The following SPDEF variants were observed in gnomAD, a reference collection of about 807,000 sequenced individuals.
SPDEF encodes SAM pointed domain-containing Ets transcription factor.
SPDEF carries 12 observed loss-of-function variants against 36.0 expected under a neutral mutation model. That is an observed-to-expected ratio of 0.33 (90% CI 0.21 to 0.54). The LOEUF (loss-of-function observed/expected upper bound fraction) is 0.54, where lower values mean the gene tolerates loss of function less well. SPDEF is among the 20% of genes least tolerant of loss of function. SPDEF has a pLI of 0.93. For synonymous variants in SPDEF, 205 were observed against 193.0 expected (o/e 1.06, Z -0.51); for missense variants, 388 against 456.9 (o/e 0.85, Z 1.37).
rs144260993 is a variant in SPDEF at position 34,541,112 on chromosome 6, G to T, written c.506C>A (p.Pro169His). Residue 169 changes from proline (P) to histidine (H), a missense_variant, in exon 3 of 6, where the codon CCC becomes CAC. By Grantham distance (77) the Pro-to-His change is moderately conservative (BLOSUM62 -2). Transcript: ENST00000374037. The stretch of plus-strand genomic sequence containing the variant: ...CTCCTGGAAGGCCTTGCCCATGGGG[G>T]GCAGCCGGTATTGGTGCTCTGTCCA... ...LLWTEHQYRL[P>H]PMGKAFQELA... 3 of 1,610,502 alleles carry T rather than the reference G, an allele frequency of 1.9e-6. No individual in the cohort carries two copies. Among genetic ancestry groups the T allele is most frequent in the Non-Finnish European group, 2.5e-6 (3 of 1,178,844 alleles).
chr6:34,545,974 A>T (rs1302706878), intron 1 of SPDEF, among the ~76,000 whole-genome samples: 1 of 152,166 alleles, frequency 6.6e-6, no homozygotes, highest in Non-Finnish European at 1.5e-5. Flanking sequence ...GAGGCAGAAG[A>T]TTACCAACAG....
At chr6:34,546,296 C>T (rs1054298218) in intron 1 of SPDEF, among the ~76,000 whole-genome samples, 3 of 152,118 alleles carry the variant, frequency 2.0e-5, no homozygotes, top group Non-Finnish European at 4.4e-5. Context: ...GGTAACTGGC[C>T]AGTTGGGGGG....
At chr6:34,540,878 T>C in intron 3 of SPDEF, 106 bp downstream of exon 3, 2 of 1,048,376 alleles carry the variant, frequency 1.9e-6, no homozygotes, top group South Asian at 3.1e-5. Flanking sequence ...GGAGTCCAGT[T>C]GGGGGCCAAG....
At position 34,555,886 on chromosome 6, in the gene SPDEF, A is replaced by G. The variant is rs1768155294; in HGVS notation, c.-30+43T>C. ...GTCGCCCACCCCCCAGCTGGCAGGG[A>G]AAGACCCCATGCCAGGGTACCCCCA... On this transcript the variant is annotated intron_variant, in intron 1 of 5. Coordinates refer to ENST00000374037, the MANE Select transcript of SPDEF (RefSeq NM_012391.3). The surrounding 1 kb of genome is among the most constrained non-coding windows in gnomAD (Gnocchi z 5.2). 6.6e-6 allele frequency: 1 copy of G among 152,598 alleles called. No homozygotes were observed. The highest frequency in any genetic ancestry group is 6.5e-5 in the Admixed American group (1 of 15,274). 9.5% of individuals were successfully genotyped at this position (152,598 alleles called of 1,614,324 possible). A position where few individuals can be genotyped will look rare whatever the true frequency, so the allele number is the denominator to read the frequency against.
chr6:34,553,474 C>G (rs1408928284), intron 1 of SPDEF, among the ~76,000 whole-genome samples: 2 of 152,190 alleles, frequency 1.3e-5, no homozygotes, highest in African/African-American at 4.8e-5. Flanking sequence ...CCCTGACTCT[C>G]TGCTCTCTAG....
At chr6:34,546,969 G>A (rs918270491) in intron 1 of SPDEF, among the ~76,000 whole-genome samples, 1 of 150,786 alleles carries the variant, frequency 6.6e-6, no homozygotes, top group South Asian at 2.1e-4. Context: ...TGCCCTACCC[G>A]CTAGGTGGCT....
In SPDEF at chr6:34,556,316, GC is replaced by G. The variant is rs1394273477; in HGVS notation, c.-418del. The G allele has an allele frequency of 3.3e-5, 5 of 152,594 alleles. No individual in the cohort carries two copies. Among genetic ancestry groups the G allele is most frequent in the African/African-American group, 1.2e-4 (5 of 41,574 alleles). 9.5% of individuals were successfully genotyped at this position (152,594 alleles called of 1,614,324 possible). ...GAATGTGCTGGGAGGAAGTCAGACA[GC>G]CGCGAGATGAAGAGTTGGCCAGGGC... On this transcript the variant is annotated 5_prime_UTR_variant, in exon 1 of 6. Transcript: ENST00000374037.
Position 34,539,657 on chromosome 6 carries a change from C to T in SPDEF, c.635-95G>A, listed in dbSNP as rs925673123. On this transcript the variant is annotated intron_variant, in intron 3 of 5. Coordinates refer to ENST00000374037, the MANE Select transcript of SPDEF (RefSeq NM_012391.3). The surrounding 1 kb of genome is among the most constrained non-coding windows in gnomAD (Gnocchi z 5.2). ...GTGGGACTGTGGGGCCACAGGAGCC[C>T]CTCTGTGGCTGGGGGTTGCCCCTGT... 6.3e-6 allele frequency: 9 copies of T among 1,423,134 alleles called. No individual in the cohort carries two copies. The highest frequency in any genetic ancestry group is 8.7e-6 in the Non-Finnish European group (9 of 1,033,452). The allele number at this position is 1,423,134 out of a possible 1,614,324, so 88.2% of individuals were successfully genotyped here.
chr6:34,544,010 G>A lies in SPDEF; in HGVS notation c.436+10C>T, dbSNP rs376442032. 3 of 1,602,578 alleles carry A rather than the reference G, an allele frequency of 1.9e-6. No individual in the cohort carries two copies. The African/African-American group carries it at 4.0e-5, about 22-fold the overall frequency. On this transcript the variant is annotated intron_variant, in intron 2 of 5. Coordinates refer to ENST00000374037, the MANE Select transcript of SPDEF (RefSeq NM_012391.3). The surrounding 1 kb of genome is among the most constrained non-coding windows in gnomAD (Gnocchi z 4.4). Reference sequence around the variant, plus strand: ...CATCTTACGGAAGCAGGCACATGGAGAGGGCTCACCTGCGGTGATGTTGAG... The same window carrying A: ...CATCTTACGGAAGCAGGCACATGGAAAGGGCTCACCTGCGGTGATGTTGAG...
chr6:34,546,991 G>GCC, intron 1 of SPDEF, among the ~76,000 whole-genome samples: 1 of 143,552 alleles, frequency 7.0e-6, no homozygotes, highest in Non-Finnish European at 1.5e-5. Context: ...CACCCCTGGG[G>GCC]ACCCCCCCCC....
At position 34,544,353 on chromosome 6, in the gene SPDEF, C is replaced by A; in HGVS notation, c.103G>T (p.Ala35Ser). The change falls in exon 2 of 6, where the codon GCA becomes TCA. Residue 35 changes from alanine (A) to serine (S), a missense_variant. Ala to Ser is a moderately conservative substitution (Grantham distance 99, BLOSUM62 1). Coordinates refer to ENST00000374037, the MANE Select transcript of SPDEF (RefSeq NM_012391.3). This position sits in a 1 kb window ranked among gnomAD's most constrained non-coding sequence, Gnocchi z 4.4. ...RTGLEKAAAG[A>S]VGLERRDWSP... Reference sequence around the variant, plus strand: ...CAGTCCCGTCTCTCGAGACCCACTGCCCCCGCTGCCGCCTTCTCCAAGCCT... The same window carrying A: ...CAGTCCCGTCTCTCGAGACCCACTGACCCCGCTGCCGCCTTCTCCAAGCCT... The A allele has an allele frequency of 6.2e-7, 1 of 1,604,070 alleles. No homozygotes were observed. Among genetic ancestry groups the A allele is most frequent in the Non-Finnish European group, 8.5e-7 (1 of 1,177,252 alleles).
Position 34,539,926 on chromosome 6 carries a change from C to G in SPDEF, c.635-364G>C, listed in dbSNP as rs1370016570. ...CTCAGGCACCACCTCCTCCAAAGCACCTGGCCCTGTGCAGGCAGCAGTGGG... is the reference window on the plus strand; with the variant it reads ...CTCAGGCACCACCTCCTCCAAAGCAGCTGGCCCTGTGCAGGCAGCAGTGGG... On this transcript the variant is annotated intron_variant, in intron 3 of 5. Coordinates refer to ENST00000374037, the MANE Select transcript of SPDEF (RefSeq NM_012391.3). This position sits in a 1 kb window ranked among gnomAD's most constrained non-coding sequence, Gnocchi z 5.2. Among the ~76,000 whole-genome samples the G allele has an allele frequency of 6.6e-6, 1 of 152,206 alleles. No individual in the cohort carries two copies. The highest frequency in any genetic ancestry group is 1.5e-5 in the Non-Finnish European group (1 of 68,040).
intron 2 of SPDEF, among the ~76,000 whole-genome samples, chr6:34,543,302 G>A (rs776321398): frequency 1.6e-4 from 24 of 151,350 alleles, no homozygotes; most frequent in Non-Finnish European, 3.2e-4. Context: ...TGCTATCCTA[G>A]CATCTGGGGA....
At position 34,550,542 on chromosome 6, in the gene SPDEF, G is replaced by A. The variant is rs113068256; in HGVS notation, c.-30+5387C>T. On this transcript the variant is annotated intron_variant, in intron 1 of 5. Coordinates refer to ENST00000374037, the MANE Select transcript of SPDEF (RefSeq NM_012391.3). Reference sequence around the variant, plus strand: ...TGAGTGAGAGAGATCTTGCTGTCTTGGACTCAGCATGAGTAGACGAGGTGG... The same window carrying A: ...TGAGTGAGAGAGATCTTGCTGTCTTAGACTCAGCATGAGTAGACGAGGTGG... 3.9e-3 allele frequency among the ~76,000 whole-genome samples: 588 copies of A among 152,324 alleles called. 4 individuals are homozygous for A. Among genetic ancestry groups the A allele is most frequent in the African/African-American group, 0.013 (542 of 41,560 alleles).
rs375958045 is a variant in SPDEF at position 34,544,128 on chromosome 6, C to T, written c.328G>A (p.Gly110Ser). Residue 110 changes from glycine (G) to serine (S), a missense_variant, in exon 2 of 6, where the codon GGC becomes AGC. Around this residue, in one of 2 missense-constraint regions of SPDEF, gnomAD observed 308 missense variants for 326.1 expected, o/e 0.94. Coordinates refer to ENST00000374037, the MANE Select transcript of SPDEF (RefSeq NM_012391.3). This position sits in a 1 kb window ranked among gnomAD's most constrained non-coding sequence, Gnocchi z 4.4. ...GAGTGCTCCTCCAAGGTCAGCCCGC[C>T]GGGCACCAAGTCCAGGCTGCCCGCT... ...APAGSLDLVP[G>S]GLTLEEHSLE... 70 of 1,613,734 alleles carry T rather than the reference C, an allele frequency of 4.3e-5. No homozygotes were observed. Among genetic ancestry groups the T allele is most frequent in the Non-Finnish European group, 5.3e-5 (63 of 1,179,930 alleles).
chr6:34,553,851 C>T (rs1768112810), intron 1 of SPDEF, among the ~76,000 whole-genome samples: 1 of 151,628 alleles, frequency 6.6e-6, no homozygotes. Context: ...CAGGCTTCAC[C>T]CACCCTCCCT....
chr6:34,553,084 C>T (rs1337051019), intron 1 of SPDEF, among the ~76,000 whole-genome samples: 1 of 152,138 alleles, frequency 6.6e-6, no homozygotes, highest in Non-Finnish European at 1.5e-5. Context: ...TGGTGGTGCG[C>T]CGTCATAATC....
chr6:34,537,948 G>A lies in SPDEF; in HGVS notation c.*326C>T, dbSNP rs1220823495. 1 of 278,520 alleles carries A rather than the reference G, an allele frequency of 3.6e-6. No individual in the cohort carries two copies. The highest frequency in any genetic ancestry group is 6.9e-6 in the Non-Finnish European group (1 of 145,302). The allele number at this position is 278,520 out of a possible 1,614,324, so 17.3% of individuals were successfully genotyped here. A position where few individuals can be genotyped will look rare whatever the true frequency, so the allele number is the denominator to read the frequency against. The stretch of plus-strand genomic sequence containing the variant: ...GCAGAGAGAGGCCTGGACTGCCTGT[G>A]GCCTTTGTCGAGTCACTGCCCTTCT... On this transcript the variant is annotated 3_prime_UTR_variant, in exon 6 of 6. Coordinates refer to ENST00000374037, the MANE Select transcript of SPDEF (RefSeq NM_012391.3).
chr6:34,545,229 C>T (rs1258056797), intron 1 of SPDEF, among the ~76,000 whole-genome samples: 3 of 152,262 alleles, frequency 2.0e-5, no homozygotes, highest in African/African-American at 2.4e-5. Context: ...CCCCTTCCAG[C>T]TCCCAGTGCT....
Sources: allele counts gnomAD v4.1 joint callset (sites outside exome capture counted in the v4.1 genomes callset), GRCh38; gene constraint gnomAD v4.1.1; regional missense constraint gnomAD v4.1.1; non-coding constraint Gnocchi (gnomAD v3.1); transcripts MANE v1.5; gene names NCBI Gene and HGNC (gene_info 2026-07-23, HGNC 2026-07-21).